Variants in SNX18 observed in about 807,000 individuals in gnomAD.
SNX18 encodes sorting nexin 18, also known as sorting nexin-18.
Under a neutral mutation model 48.7 loss-of-function variants are expected in SNX18, and 35 were observed. The observed-to-expected ratio is 0.72, with a 90% CI of 0.55 to 0.95. SNX18 has a LOEUF of 0.95. SNX18 is among the 40% of genes least tolerant of loss of function. The pLI is 0.00. For synonymous variants in SNX18, 492 were observed against 384.7 expected (o/e 1.28, Z -3.26); for missense variants, 824 against 871.0 (o/e 0.95, Z 0.68).
the SNX18 span, among the ~76,000 whole-genome samples, chr5:54,576,479 A>G: frequency 6.6e-6 from 1 of 152,202 alleles, no homozygotes; most frequent in African/African-American, 2.4e-5. Flanking sequence ...CCCAATCTGA[A>G]GTACATAGTT....
Position 54,518,325 on chromosome 5 carries a change from G to C in SNX18, c.373G>C (p.Gly125Arg), listed in dbSNP as rs1365024594. 1 of 1,545,682 alleles carries C rather than the reference G, an allele frequency of 6.5e-7. No homozygotes were observed. The highest frequency in any genetic ancestry group is 2.6e-5 in the East Asian group (1 of 39,012). Residue 125 changes from glycine to arginine, a missense_variant, in exon 1 of 2, where the codon GGC (glycine) becomes CGC (arginine). By Grantham distance (125) the Gly-to-Arg change is moderately radical (BLOSUM62 -2). Transcript: ENST00000381410. ...GAGCACCTTCCAGCCGCCCGGCGCGGGCTTCCCGTACGGCGGGGGCGCCCT... is the reference window on the plus strand; with the variant it reads ...GAGCACCTTCCAGCCGCCCGGCGCGCGCTTCCCGTACGGCGGGGGCGCCCT... Reference protein sequence around the residue: ...PPSTFQPPGAGFPYGGGALQP... With the variant: ...PPSTFQPPGARFPYGGGALQP...
chr5:54,571,775 T>C, the SNX18 span, among the ~76,000 whole-genome samples: 7 of 152,320 alleles, frequency 4.6e-5, no homozygotes, highest in South Asian at 4.1e-4. Flanking sequence ...CTCATGATTA[T>C]GTATGGTCTC....
the SNX18 span, among the ~76,000 whole-genome samples, chr5:54,639,850 G>A: frequency 1.3e-5 from 2 of 152,212 alleles, no homozygotes; most frequent in African/African-American, 2.4e-5. Flanking sequence ...AGGAGGTTAT[G>A]CAAGGGCATT....
At chr5:54,520,543 T>TACTCCTGAGCAGGGAAACCA in intron 1 of SNX18, 1 of 167,122 alleles carries the variant, frequency 6.0e-6, no homozygotes. Flanking sequence ...CAGGGAAACC[T>TACTCCTGAGCAGGGAAACCA]ACTGTCCCTG....
chr5:54,594,334 A>C, the SNX18 span, among the ~76,000 whole-genome samples: 1 of 152,222 alleles, frequency 6.6e-6, no homozygotes, highest in Admixed American at 6.5e-5. Context: ...TGATTGTGTG[A>C]CCATATGCAT....
chr5:54,611,361 A>G, the SNX18 span, among the ~76,000 whole-genome samples: 4 of 152,004 alleles, frequency 2.6e-5, no homozygotes, highest in African/African-American at 9.7e-5. Flanking sequence ...GAGAATCACC[A>G]TGCCCTGTCT....
At chr5:54,613,974 G>A in the SNX18 span, among the ~76,000 whole-genome samples, 1 of 152,186 alleles carries the variant, frequency 6.6e-6, no homozygotes, top group Admixed American at 6.5e-5. Flanking sequence ...GGGATTATAG[G>A]CGTGAGCCAC....
the SNX18 span, among the ~76,000 whole-genome samples, chr5:54,605,650 C>T: frequency 6.6e-6 from 1 of 151,934 alleles, no homozygotes; most frequent in Non-Finnish European, 1.5e-5. Context: ...TTTTTATGAT[C>T]AATTTTGAAA....
At chr5:54,571,211 C>T in the SNX18 span, among the ~76,000 whole-genome samples, 2 of 151,944 alleles carry the variant, frequency 1.3e-5, no homozygotes, top group Non-Finnish European at 2.9e-5. Flanking sequence ...CAGACATGGG[C>T]ACATGGGGAA....
At chr5:54,632,778 T>C in the SNX18 span, among the ~76,000 whole-genome samples, 1 of 152,100 alleles carries the variant, frequency 6.6e-6, no homozygotes, top group Non-Finnish European at 1.5e-5. Context: ...ATTTTTATTT[T>C]TTTTATTTTT....
At chr5:54,538,576 G>A (rs1056815820) in intron 1 of SNX18, among the ~76,000 whole-genome samples, 11 of 152,196 alleles carry the variant, frequency 7.2e-5, no homozygotes, top group Admixed American at 5.2e-4. Flanking sequence ...TTGGAAAGTT[G>A]TGAGATGAAT....
At chr5:54,592,180 G>A in the SNX18 span, among the ~76,000 whole-genome samples, 1 of 151,992 alleles carries the variant, frequency 6.6e-6, no homozygotes, top group African/African-American at 2.4e-5. Context: ...CTATACCCTC[G>A]CCTCCCACTT....
chr5:54,568,833 C>CT, the SNX18 span, among the ~76,000 whole-genome samples: 458 of 69,522 alleles, frequency 6.6e-3, 29 homozygotes, highest in Middle Eastern at 0.011. Flanking sequence ...TTCAGTGGTA[C>CT]TTTTTTTTTT....
chr5:54,561,076 C>G, the SNX18 span, among the ~76,000 whole-genome samples: 1 of 152,210 alleles, frequency 6.6e-6, no homozygotes. Flanking sequence ...GAGTTTTGTT[C>G]TGATTGCCCA....
At chr5:54,640,547 T>A in the SNX18 span, among the ~76,000 whole-genome samples, 1 of 152,192 alleles carries the variant, frequency 6.6e-6, no homozygotes, top group African/African-American at 2.4e-5. Context: ...TCTTACGCTC[T>A]GGCCTACAAG....
chr5:54,557,726 T>C, the SNX18 span, among the ~76,000 whole-genome samples: 1 of 152,218 alleles, frequency 6.6e-6, no homozygotes, highest in African/African-American at 2.4e-5. Flanking sequence ...TATTGCTGAC[T>C]TGTGCACTTA....
Position 54,543,862 on chromosome 5 carries a change from A to G in SNX18, c.*430A>G, listed in dbSNP as rs1561123162. The stretch of plus-strand genomic sequence containing the variant: ...AAATTCAACCTATTCTCTGTTTACA[A>G]ACTCCAACTAGAGCAGCTATGCGAC... On this transcript the variant is annotated 3_prime_UTR_variant, in exon 2 of 2. Coordinates refer to ENST00000381410, the MANE Select transcript of SNX18 (RefSeq NM_001102575.2). 1.9e-5 allele frequency: 3 copies of G among 157,106 alleles called. No homozygotes were observed. The highest frequency in any genetic ancestry group is 4.2e-5 in the Non-Finnish European group (3 of 71,318). The allele number at this position is 157,106 out of a possible 1,614,324, so 9.7% of individuals were successfully genotyped here.
the SNX18 span, among the ~76,000 whole-genome samples, chr5:54,592,229 A>T: frequency 9.9e-5 from 15 of 152,256 alleles, no homozygotes; most frequent in South Asian, 2.3e-3. Flanking sequence ...TTCATGTGAG[A>T]TCTGCCGAAT....
chr5:54,571,167 T>C, the SNX18 span, among the ~76,000 whole-genome samples: 1 of 152,040 alleles, frequency 6.6e-6, no homozygotes, highest in African/African-American at 2.4e-5. Flanking sequence ...TTTCTTTCCT[T>C]GGCCCCATTT....
Sources: gnomAD v4.1 joint callset for allele counts (sites outside exome capture counted in the v4.1 genomes callset) on GRCh38, gnomAD v4.1.1 for gene constraint, MANE v1.5 for transcripts, NCBI Gene and HGNC (gene_info 2026-07-23, HGNC 2026-07-21) for gene names.